The following TMEM132B variants were observed in gnomAD, a reference collection of about 807,000 sequenced individuals.
TMEM132B encodes transmembrane protein 132B.
A neutral mutation model predicts 90.8 loss-of-function variants in TMEM132B; 18 were observed. The observed-to-expected ratio is 0.20, with a 90% CI of 0.14 to 0.29. The LOEUF (loss-of-function observed/expected upper bound fraction) is 0.29, where lower values mean the gene tolerates loss of function less well. TMEM132B is among the 10% of genes least tolerant of loss of function. The pLI is 1.00. For missense variants in TMEM132B, 1,096 were observed against 1,326.8 expected (o/e 0.83, Z 2.70); for synonymous variants, 504 against 523.3 (o/e 0.96, Z 0.50).
intron 3 of TMEM132B, among the ~76,000 whole-genome samples, chr12:125,440,248 A>T (rs186144812): frequency 6.6e-6 from 1 of 152,182 alleles, no homozygotes; most frequent in Admixed American, 6.5e-5. Flanking sequence ...GCTTGATTTC[A>T]TGGATATGCT....
At position 125,564,371 on chromosome 12, in the gene TMEM132B, G is replaced by T. The variant is rs77548697; in HGVS notation, c.1294-19480G>T. 8.5e-5 allele frequency among the ~76,000 whole-genome samples: 13 copies of T among 152,218 alleles called. No individual in the cohort carries two copies. In the East Asian group the frequency reaches 1.7e-3, roughly 20 times the overall value. ...GGTGCGTTCAGTGTGAAAAAATAGA[G>T]AATAGGATGTAATTTTCATAGAGTT... On this transcript the variant is annotated intron_variant, in intron 4 of 8. Coordinates refer to ENST00000682704, the MANE Select transcript of TMEM132B (RefSeq NM_001366854.1).
At chr12:125,507,789 C>T (rs1882882433) in intron 3 of TMEM132B, among the ~76,000 whole-genome samples, 1 of 152,118 alleles carries the variant, frequency 6.6e-6, no homozygotes, top group African/African-American at 2.4e-5. Flanking sequence ...GAGAATTCCT[C>T]AAGGTTTTGA....
At chr12:125,570,296 C>A (rs1884760852) in intron 4 of TMEM132B, among the ~76,000 whole-genome samples, 1 of 152,184 alleles carries the variant, frequency 6.6e-6, no homozygotes, top group Admixed American at 6.5e-5. Flanking sequence ...GTTCCTCCTT[C>A]CCTGTGAGGT....
intron 5 of TMEM132B, chr12:125,586,917 C>T (rs1885191593): frequency 6.6e-6 from 1 of 152,144 alleles, no homozygotes; most frequent in South Asian, 2.1e-4. Flanking sequence ...AATCGTCTAT[C>T]CATGAAATCG....
At position 125,459,059 on chromosome 12, in the gene TMEM132B, C is replaced by T. The variant is rs767088065; in HGVS notation, c.1106+43382C>T. Among the ~76,000 whole-genome samples, 11 of 152,284 alleles carry T rather than the reference C, an allele frequency of 7.2e-5. 1 individual carries two copies. Among genetic ancestry groups the T allele is most frequent in the Middle Eastern group, 3.4e-3 (1 of 292 alleles). On this transcript the variant is annotated intron_variant, in intron 3 of 8. Coordinates refer to ENST00000682704, the MANE Select transcript of TMEM132B (RefSeq NM_001366854.1). This position sits in a 1 kb window ranked among gnomAD's most constrained non-coding sequence, Gnocchi z 4.1. The stretch of plus-strand genomic sequence containing the variant: ...CATCACCATTTGTCCACAGCAAAGC[C>T]CCTTTCAGAGCACCCCCGTCCATCT...
At position 125,349,914 on chromosome 12, in the gene TMEM132B, C is replaced by T; in HGVS notation, c.530C>T (p.Ala177Val). 1 of 1,614,204 alleles carries T rather than the reference C, an allele frequency of 6.2e-7. No individual in the cohort carries two copies. Among genetic ancestry groups the T allele is most frequent in the Non-Finnish European group, 8.5e-7 (1 of 1,180,040 alleles). ...FAFPEAREVA[A>V]SCRLQGAPGL... ...TTCCCTGAGGCCAGGGAAGTGGCAG[C>T]CAGCTGTCGGCTGCAAGGGGCCCCA... Residue 177 changes from alanine (A) to valine (V), a missense_variant, in exon 2 of 9, where the codon GCC (alanine) becomes GTC (valine). Ala to Val is a moderately conservative substitution (Grantham distance 64). Transcript: ENST00000682704. The surrounding 1 kb of genome is among the most constrained non-coding windows in gnomAD (Gnocchi z 4.1).
chr12:125,320,021 A>G (rs1876385225), intron 1 of TMEM132B, among the ~76,000 whole-genome samples: 1 of 152,076 alleles, frequency 6.6e-6, no homozygotes, highest in Non-Finnish European at 1.5e-5. Context: ...TGCCTAAAAA[A>G]AAAAAAGGGA....
intron 1 of TMEM132B, among the ~76,000 whole-genome samples, chr12:125,194,271 T>TGG (rs1001934439): frequency 1.3e-5 from 2 of 148,762 alleles, no homozygotes; most frequent in East Asian, 2.0e-4. Context: ...AACCCGTTGG[T>TGG]GGGGGGGTCT....
chr12:125,238,451 T>A (rs1048639555), intron 1 of TMEM132B, among the ~76,000 whole-genome samples: 1 of 152,216 alleles, frequency 6.6e-6, no homozygotes, highest in African/African-American at 2.4e-5. Flanking sequence ...TAATTTGGTT[T>A]TCTGTCCCTG....
At chr12:125,561,012 G>A (rs1235716176) in intron 4 of TMEM132B, among the ~76,000 whole-genome samples, 1 of 152,056 alleles carries the variant, frequency 6.6e-6, no homozygotes, top group Admixed American at 6.5e-5. Flanking sequence ...CCCAGTGATC[G>A]CATTACCAGT....
chr12:125,610,276 A>G (rs905518334), intron 5 of TMEM132B, among the ~76,000 whole-genome samples: 4 of 152,130 alleles, frequency 2.6e-5, no homozygotes, highest in African/African-American at 9.7e-5. Context: ...ACAATGTTGA[A>G]TAGAAATGGT....
At chr12:125,619,311 C>A (rs1177440518) in intron 5 of TMEM132B, among the ~76,000 whole-genome samples, 1 of 151,792 alleles carries the variant, frequency 6.6e-6, no homozygotes, top group South Asian at 2.1e-4. Context: ...GGACCACCTG[C>A]CTGCTGTGGC....
At chr12:125,555,968 A>T (rs1884375424) in intron 4 of TMEM132B, among the ~76,000 whole-genome samples, 1 of 152,240 alleles carries the variant, frequency 6.6e-6, no homozygotes. Context: ...AATAACAGCA[A>T]CCTGCTGTCT....
At chr12:125,461,389 T>C (rs1023467435) in intron 3 of TMEM132B, among the ~76,000 whole-genome samples, 1 of 152,162 alleles carries the variant, frequency 6.6e-6, no homozygotes. Context: ...AACCCACACA[T>C]GCTCACTGTC....
At chr12:125,248,205 T>G (rs962554176) in intron 1 of TMEM132B, among the ~76,000 whole-genome samples, 1 of 152,196 alleles carries the variant, frequency 6.6e-6, no homozygotes, top group African/African-American at 2.4e-5. Flanking sequence ...ATTCTGAGGT[T>G]CCCTGATCTT....
intron 5 of TMEM132B, among the ~76,000 whole-genome samples, chr12:125,636,883 T>G (rs936459232): frequency 2.6e-5 from 4 of 152,220 alleles, no homozygotes; most frequent in Non-Finnish European, 5.9e-5. Context: ...AACTCCCCTG[T>G]ATTTACAGTC....
At chr12:125,286,434 C>T (rs985595696) in intron 1 of TMEM132B, among the ~76,000 whole-genome samples, 1 of 152,304 alleles carries the variant, frequency 6.6e-6, no homozygotes, top group East Asian at 1.9e-4. Flanking sequence ...ACCAGCCTGA[C>T]TCTGGGTTCT....
At chr12:125,645,737 A>G (rs536239851) in intron 6 of TMEM132B, among the ~76,000 whole-genome samples, 4 of 152,212 alleles carry the variant, frequency 2.6e-5, no homozygotes, top group Admixed American at 2.0e-4. Flanking sequence ...TGCCTGGATT[A>G]CTGGCTTGCA....
At chr12:125,559,817 G>A (rs1884476028) in intron 4 of TMEM132B, among the ~76,000 whole-genome samples, 1 of 152,144 alleles carries the variant, frequency 6.6e-6, no homozygotes, top group African/African-American at 2.4e-5. Context: ...ATTGACACAT[G>A]CGTCCTGAAT....
Sources: gnomAD v4.1 joint callset for allele counts (sites outside exome capture counted in the v4.1 genomes callset) on GRCh38, gnomAD v4.1.1 for gene constraint, Gnocchi (gnomAD v3.1) non-coding constraint, MANE v1.5 for transcripts, NCBI Gene and HGNC (gene_info 2026-07-23, HGNC 2026-07-21) for gene names.